TTC23L: variants seen among roughly 807,000 people sequenced by gnomAD.
The protein encoded by TTC23L is tetratricopeptide repeat protein 23-like.
Under a neutral mutation model 48.1 loss-of-function variants are expected in TTC23L, and 42 were observed. The ratio of observed to expected loss-of-function variants is 0.87; its 90% CI spans 0.68 to 1.13. The LOEUF (loss-of-function observed/expected upper bound fraction) is 1.13, where lower values mean the gene tolerates loss of function less well. Ranked by LOEUF, TTC23L falls within the 50% of genes most tolerant of loss-of-function variation. TTC23L has a pLI of 0.00. For synonymous variants in TTC23L, 159 were observed against 157.2 expected (o/e 1.01, Z -0.09); for missense variants, 391 against 421.0 (o/e 0.93, Z 0.62).
the TTC23L span, among the ~76,000 whole-genome samples, chr5:34,910,156 T>A: frequency 6.6e-6 from 1 of 152,132 alleles, no homozygotes; most frequent in Non-Finnish European, 1.5e-5. Context: ...ACTTAAAATT[T>A]AACATATCCA....
chr5:34,852,866 G>A (rs1759791145), intron 4 of TTC23L, among the ~76,000 whole-genome samples: 1 of 152,142 alleles, frequency 6.6e-6, no homozygotes, highest in African/African-American at 2.4e-5. Context: ...ATGATGGAAG[G>A]CCAAGGAGGA....
the TTC23L span, chr5:34,908,626 TAC>T: frequency 2.9e-6 from 2 of 687,798 alleles, no homozygotes; most frequent in South Asian, 4.3e-5. Context: ...ACTATTAGGG[TAC>T]ATGACCTTGC....
In TTC23L at chr5:34,883,188, G is replaced by A. The variant is rs550678047; in HGVS notation, c.1077+2880G>A. The stretch of plus-strand genomic sequence containing the variant: ...GAAAGGTGATACTGTGGAAATCAAG[G>A]GAATAGGCATTGTCCAAAAGGGAAT... On this transcript the variant is annotated intron_variant, in intron 9 of 10. Coordinates refer to ENST00000505624, the Ensembl canonical transcript of TTC23L. 2.0e-4 allele frequency: 31 copies of A among 156,472 alleles called. 1 individual carries two copies. In the South Asian group the frequency reaches 6.0e-3, roughly 30 times the overall value. The allele number at this position is 156,472 out of a possible 1,614,324, so 9.7% of individuals were successfully genotyped here.
In TTC23L at chr5:34,888,356, A is replaced by G. The variant is rs138964721; in HGVS notation, c.1077+8048A>G. On this transcript the variant is annotated intron_variant, in intron 9 of 10. Coordinates refer to ENST00000505624, the Ensembl canonical transcript of TTC23L. ...CAGGTGTTTGAAATGTAAACTTGTG[A>G]CAAGATCTCAGTTCCGCTGGTCCTT... 4.5e-4 allele frequency: 142 copies of G among 312,426 alleles called. No individual in the cohort carries two copies. The Middle Eastern group carries it at 6.3e-3, about 14-fold the overall frequency. 19.4% of individuals were successfully genotyped at this position (312,426 alleles called of 1,614,324 possible). A position where few individuals can be genotyped will look rare whatever the true frequency, so the allele number is the denominator to read the frequency against.
chr5:34,916,035 C>G, the TTC23L span: 2 of 994,748 alleles, frequency 2.0e-6, no homozygotes, highest in East Asian at 2.9e-5. Context: ...GCAATTCTCC[C>G]GGCCAGACTG....
At chr5:34,873,048 G>A (rs1761578700) in intron 8 of TTC23L, among the ~76,000 whole-genome samples, 1 of 151,592 alleles carries the variant, frequency 6.6e-6, no homozygotes, top group African/African-American at 2.4e-5. Context: ...GGGTGACAGA[G>A]GGAGACTCCG....
At chr5:34,896,829 C>T (rs1162021671) in exon 10 of TTC23L, 2 of 742,086 alleles carry the variant, frequency 2.7e-6, no homozygotes, top group African/African-American at 1.7e-5. Context: ...AGGAACTCTA[C>T]ATACAAAGGC....
chr5:34,916,182 G>T, the TTC23L span: 3 of 284,320 alleles, frequency 1.1e-5, no homozygotes, highest in African/African-American at 2.2e-5. Context: ...TAGTTGTTCA[G>T]TTGTTTTTTT....
At chr5:34,872,414 G>A (rs969398374) in intron 8 of TTC23L, among the ~76,000 whole-genome samples, 2 of 152,228 alleles carry the variant, frequency 1.3e-5, no homozygotes, top group Admixed American at 6.5e-5. Context: ...ATAACACCAG[G>A]ATTGATGAGA....
chr5:34,909,846 T>C, the TTC23L span, among the ~76,000 whole-genome samples: 1 of 152,212 alleles, frequency 6.6e-6, no homozygotes, highest in African/African-American at 2.4e-5. Context: ...AGTGTTAACA[T>C]GCTGATTTAA....
downstream of TTC23L, among the ~76,000 whole-genome samples, chr5:34,900,937 GATTGCAGTAC>G (rs1414805140): frequency 2.6e-5 from 4 of 152,228 alleles, no homozygotes; most frequent in Middle Eastern, 3.2e-3. Flanking sequence ...GCTACAAAAT[GATTGCAGTAC>G]AGTACGTACT....
chr5:34,879,578 ATATGGTAGTTATTTGTAG>A (rs982052225), intron 8 of TTC23L, among the ~76,000 whole-genome samples: 2 of 152,226 alleles, frequency 1.3e-5, no homozygotes, highest in African/African-American at 2.4e-5. Context: ...TGGGAGTTTA[ATATGGTAGTTATTTGTAG>A]TATTAGCATA....
At chr5:34,914,784 G>A in the TTC23L span, 1 of 1,614,178 alleles carries the variant, frequency 6.2e-7, no homozygotes, top group Non-Finnish European at 8.5e-7. Flanking sequence ...GCATGTTCTC[G>A]GAAATGAATA....
chr5:34,915,475 G>T, the TTC23L span: 1 of 402,744 alleles, frequency 2.5e-6, no homozygotes, highest in Non-Finnish European at 4.5e-6. Flanking sequence ...GAAGAGGAGC[G>T]AGGCGGCTCC....
intron 10 of TTC23L, among the ~76,000 whole-genome samples, chr5:34,897,252 G>C (rs910106786): frequency 6.6e-6 from 1 of 152,082 alleles, no homozygotes; most frequent in African/African-American, 2.4e-5. Flanking sequence ...GGGCGTGGTA[G>C]CATGCGCCTG....
chr5:34,873,740 C>T (rs1000884199), intron 8 of TTC23L, among the ~76,000 whole-genome samples: 1 of 152,166 alleles, frequency 6.6e-6, no homozygotes, highest in Admixed American at 6.5e-5. Flanking sequence ...CACAAAACTA[C>T]ATACATGTGT....
chr5:34,899,582 C>T (rs900728762), downstream of TTC23L: 7 of 152,356 alleles, frequency 4.6e-5, no homozygotes, highest in Non-Finnish European at 1.0e-4. Flanking sequence ...GGTGAAATAC[C>T]CAAGAGCCAT....
In TTC23L at chr5:34,840,250, G is replaced by A. The variant is rs972018215; in HGVS notation, c.-7-415G>A. ...GTGAAATGACCCCGGGGGGGGGGGG[G>A]AAAGCAGAATTAACCAATACACTGG... On this transcript the variant is annotated intron_variant, in intron 1 of 10. Transcript: ENST00000505624. Among the ~76,000 whole-genome samples, 8 of 108,258 alleles carry A rather than the reference G, an allele frequency of 7.4e-5. 2 individuals are homozygous for A. Among genetic ancestry groups the A allele is most frequent in the East Asian group, 4.9e-4 (2 of 4,062 alleles). 71.0% of individuals were successfully genotyped at this position (108,258 alleles called of 152,430 possible).
chr5:34,867,120 C>A, intron 7 of TTC23L, 51 bp downstream of exon 7: 2 of 1,564,228 alleles, frequency 1.3e-6, no homozygotes, highest in South Asian at 1.2e-5. Flanking sequence ...TGGCCCCAGG[C>A]TTGGTTCTCA....
Sources: allele counts gnomAD v4.1 joint callset (sites outside exome capture counted in the v4.1 genomes callset), GRCh38; gene constraint gnomAD v4.1.1; transcripts MANE v1.5; gene names NCBI Gene and HGNC (gene_info 2026-07-23, HGNC 2026-07-21).